Variants in VPS8 observed in about 807,000 individuals in gnomAD.
VPS8 encodes vacuolar protein sorting-associated protein 8 homolog.
Under a neutral mutation model 216.4 loss-of-function variants are expected in VPS8, and 129 were observed. That is an observed-to-expected ratio of 0.60 (90% CI 0.52 to 0.69). VPS8 has a LOEUF of 0.69. Ranked by LOEUF, VPS8 falls within the 30% of genes least tolerant of loss-of-function variation. The pLI, the probability that VPS8 is intolerant of heterozygous loss-of-function variation, is 0.00. For missense variants in VPS8, 1,531 were observed against 1,683.5 expected (o/e 0.91, Z 1.59); for synonymous variants, 571 against 565.4 (o/e 1.01, Z -0.14).
intron 21 of VPS8, among the ~76,000 whole-genome samples, chr3:184,876,226 CCTTTT>C (rs1339717639): frequency 2.0e-5 from 3 of 152,114 alleles, no homozygotes; most frequent in Admixed American, 6.5e-5. Flanking sequence ...TATTCTTCTT[CCTTTT>C]CTTTACTTAA....
At chr3:184,938,649 C>CTTTT (rs113635324) in intron 35 of VPS8, among the ~76,000 whole-genome samples, 73 of 140,738 alleles carry the variant, frequency 5.2e-4, no homozygotes, top group African/African-American at 1.8e-3. Flanking sequence ...TTCTTTTTTT[C>CTTTT]TTTTTTTTTT....
chr3:184,842,209 A>AAAAAAAAAG (rs1553828675), intron 7 of VPS8, among the ~76,000 whole-genome samples: 3 of 149,480 alleles, frequency 2.0e-5, no homozygotes, highest in Non-Finnish European at 3.0e-5. Flanking sequence ...AAAAAAAAAA[A>AAAAAAAAAG]GAATATGTGA....
intron 23 of VPS8, among the ~76,000 whole-genome samples, chr3:184,897,230 T>C (rs1449087086): frequency 2.0e-5 from 3 of 152,166 alleles, no homozygotes; most frequent in Non-Finnish European, 4.4e-5. Context: ...CAGGAGGTGA[T>C]TCTGGCCAGA....
intron 46 of VPS8, among the ~76,000 whole-genome samples, chr3:185,034,049 C>G (rs1758536304): frequency 6.6e-6 from 1 of 152,128 alleles, no homozygotes; most frequent in African/African-American, 2.4e-5. Flanking sequence ...ATAGTACCCC[C>G]CACCCTCTAG....
chr3:184,988,985 C>T (rs556295536), intron 42 of VPS8, among the ~76,000 whole-genome samples: 1 of 152,150 alleles, frequency 6.6e-6, no homozygotes, highest in African/African-American at 2.4e-5. Flanking sequence ...TGTATAATAA[C>T]CTTGTATCCT....
chr3:184,938,434 G>C (rs1160633952), intron 35 of VPS8, among the ~76,000 whole-genome samples: 1 of 152,148 alleles, frequency 6.6e-6, no homozygotes, highest in Admixed American at 6.5e-5. Context: ...TGGAGCCCAG[G>C]ATACTGAAGT....
intron 24 of VPS8, among the ~76,000 whole-genome samples, chr3:184,899,619 G>C (rs530467404): frequency 3.2e-4 from 48 of 151,942 alleles, no homozygotes; most frequent in African/African-American, 1.2e-3. Flanking sequence ...AACACCTCTC[G>C]GCTGCTCCTT....
chr3:184,895,007 A>C, intron 23 of VPS8, 82 bp downstream of exon 23: 1 of 1,172,796 alleles, frequency 8.5e-7, no homozygotes, highest in African/African-American at 1.6e-5. Flanking sequence ...ATCAGGCCTG[A>C]CCCTGCCTTC....
chr3:184,898,639 T>C lies in VPS8; in HGVS notation c.2079T>C (p.Phe693=). ...TCTACAACAGAGGCATGAATGAATTTATTAGTCCAATGGAGGTAAGATACT... is the reference window on the plus strand; with the variant it reads ...TCTACAACAGAGGCATGAATGAATTCATTAGTCCAATGGAGGTAAGATACT... ...IYVYNRGMNE[F]ISPMEKLFRV... Residue 693 remains phenylalanine, a synonymous_variant, in exon 24 of 48, where the codon TTT becomes TTC. Transcript: ENST00000625842. 1 of 1,552,580 alleles carries C rather than the reference T, an allele frequency of 6.4e-7. No individual in the cohort carries two copies. Among genetic ancestry groups the C allele is most frequent in the Non-Finnish European group, 8.7e-7 (1 of 1,147,370 alleles).
intron 42 of VPS8, among the ~76,000 whole-genome samples, chr3:184,983,405 A>G (rs1331679712): frequency 6.6e-6 from 1 of 152,200 alleles, no homozygotes; most frequent in African/African-American, 2.4e-5. Context: ...GGAGGGAGTT[A>G]TCAGCTGATT....
intron 21 of VPS8, among the ~76,000 whole-genome samples, chr3:184,878,260 GCCA>G (rs1413555078): frequency 6.6e-6 from 1 of 151,846 alleles, no homozygotes; most frequent in East Asian, 1.9e-4. Context: ...ACAGGTGCCC[GCCA>G]CCACACCCAG....
chr3:184,894,767 T>C lies in VPS8; in HGVS notation c.1846T>C (p.Leu616=). The C allele has an allele frequency of 6.2e-7, 1 of 1,609,734 alleles. No homozygotes were observed. Among genetic ancestry groups the C allele is most frequent in the Non-Finnish European group, 8.5e-7 (1 of 1,177,758 alleles). Residue 616 remains leucine, a synonymous_variant, in exon 23 of 48, where the codon TTG becomes CTG. Coordinates refer to ENST00000625842, the MANE Select transcript of VPS8 (RefSeq NM_001009921.3). Reference sequence around the variant, plus strand: ...GAATTCAGTGGCCAAAGGAGTATTTTTGGAGTGCCTTGAGCCATATATTTT... The same window carrying C: ...GAATTCAGTGGCCAAAGGAGTATTTCTGGAGTGCCTTGAGCCATATATTTT... The part of the protein sequence containing the change: ...SENSVAKGVF[L]ECLEPYILSD...
intron 18 of VPS8, 75 bp from the exon 19 acceptor site, chr3:184,868,871 T>A: frequency 7.4e-7 from 1 of 1,345,800 alleles, no homozygotes; most frequent in Non-Finnish European, 1.0e-6. Context: ...CTGGAAGGAT[T>A]TTAGGTGGAA....
At chr3:184,954,941 C>T (rs914453862) in intron 36 of VPS8, among the ~76,000 whole-genome samples, 2 of 151,974 alleles carry the variant, frequency 1.3e-5, no homozygotes, top group Non-Finnish European at 2.9e-5. Context: ...TAGGAATAAC[C>T]GGTGGGTATA....
chr3:184,996,568 C>A, intron 44 of VPS8, 67 bp downstream of exon 44: 1 of 1,499,318 alleles, frequency 6.7e-7, no homozygotes, highest in South Asian at 1.3e-5. Context: ...AGGCAAGAAT[C>A]CACATGGATA....
chr3:184,995,452 C>T (rs2109863404), intron 43 of VPS8, among the ~76,000 whole-genome samples: 1 of 152,152 alleles, frequency 6.6e-6, no homozygotes, highest in Non-Finnish European at 1.5e-5. Flanking sequence ...AAATGTTTGC[C>T]AATTTTGGAA....
rs1344788803 is a variant in VPS8, at chr3:184,887,368, TAAAC to T, written c.1781+1213_1781+1216del. ...TCTCAAGAATAAATAAAATAAAAAA[TAAAC>T]CAACCAACCTGTGCTAATGCACAGG... On this transcript the variant is annotated intron_variant, in intron 22 of 47. Transcript: ENST00000625842. Among the ~76,000 whole-genome samples the T allele has an allele frequency of 2.0e-5, 3 of 151,260 alleles. No homozygotes were observed. In the East Asian group the frequency reaches 5.8e-4, roughly 29 times the overall value.
intron 40 of VPS8, among the ~76,000 whole-genome samples, chr3:184,976,123 G>A (rs1487720468): frequency 6.6e-6 from 1 of 151,926 alleles, no homozygotes; most frequent in Non-Finnish European, 1.5e-5. Flanking sequence ...CCATTTTTAT[G>A]ATATGTATGA....
intron 10 of VPS8, among the ~76,000 whole-genome samples, chr3:184,852,209 A>G (rs1322836716): frequency 6.6e-6 from 1 of 152,152 alleles, no homozygotes; most frequent in South Asian, 2.1e-4. Flanking sequence ...TAAGAACCCA[A>G]ATAGAGAACT....
Sources: allele counts gnomAD v4.1 joint callset (sites outside exome capture counted in the v4.1 genomes callset), GRCh38; gene constraint gnomAD v4.1.1; transcripts MANE v1.5; gene names NCBI Gene and HGNC (gene_info 2026-07-23, HGNC 2026-07-21).